Variants in HSD17B3 observed in about 807,000 individuals in gnomAD.
HSD17B3 encodes the protein hydroxysteroid 17-beta dehydrogenase 3, also known as 17-beta-hydroxysteroid dehydrogenase type 3.
HSD17B3 carries 29 observed loss-of-function variants against 41.1 expected under a neutral mutation model. That is an observed-to-expected ratio of 0.71 (90% CI 0.53 to 0.96). The LOEUF (loss-of-function observed/expected upper bound fraction) is 0.96, where lower values mean the gene tolerates loss of function less well. Ranked by LOEUF, HSD17B3 falls within the 40% of genes least tolerant of loss-of-function variation. HSD17B3 has a pLI of 0.00. For missense variants in HSD17B3, 323 were observed against 374.6 expected (o/e 0.86, Z 1.14); for synonymous variants, 126 against 145.6 (o/e 0.87, Z 0.97).
intron 3 of HSD17B3, among the ~76,000 whole-genome samples, chr9:96,253,818 G>A (rs960943615): frequency 1.3e-5 from 2 of 152,146 alleles, no homozygotes; most frequent in African/African-American, 2.4e-5. Context: ...AGCATTGTGA[G>A]GCAAACACTG....
chr9:96,240,681 G>A, intron 10 of HSD17B3, 77 bp downstream of exon 10: 1 of 1,421,964 alleles, frequency 7.0e-7, no homozygotes, highest in Non-Finnish European at 9.9e-7. Context: ...CAGCAAGGAA[G>A]AGCTAGCCCA....
intron 2 of HSD17B3, among the ~76,000 whole-genome samples, chr9:96,297,529 T>C (rs921369065): frequency 2.0e-5 from 3 of 152,000 alleles, no homozygotes; most frequent in African/African-American, 7.3e-5. Context: ...GTATTTTAAG[T>C]AGAGATGAGG....
At position 96,247,077 on chromosome 9, in the gene HSD17B3, C is replaced by T. The variant is rs7859733; in HGVS notation, c.490-487G>A. On this transcript the variant is annotated intron_variant, in intron 6 of 10. Transcript: ENST00000375263. ...CTGCAGCTAGGCTATGAAATAGCTC[C>T]GTGGACACAGTGCATGGCCACTCCT... The T allele has an allele frequency of 9.0e-3, 2,071 of 229,888 alleles. 49 individuals carry two copies. Among genetic ancestry groups the T allele is most frequent in the African/African-American group, 0.042 (1,901 of 45,250 alleles). The allele number at this position is 229,888 out of a possible 1,614,324, so 14.2% of individuals were successfully genotyped here.
Position 96,301,827 on chromosome 9 carries a change from G to A in HSD17B3, c.154+124C>T, listed in dbSNP as rs977871984. The A allele has an allele frequency of 4.8e-6, 5 of 1,050,478 alleles. No homozygotes were observed. The African/African-American group carries it at 6.3e-5, about 13-fold the overall frequency. 65.1% of individuals were successfully genotyped at this position (1,050,478 alleles called of 1,614,324 possible). On this transcript the variant is annotated intron_variant, in intron 1 of 10. Coordinates refer to ENST00000375263, the MANE Select transcript of HSD17B3 (RefSeq NM_000197.2). Reference sequence around the variant, plus strand: ...ACCCGGGAAGCGGAGGTTGCAGTGAGCCAAGATCGCGCCATTGCACTCCAG... The same window carrying A: ...ACCCGGGAAGCGGAGGTTGCAGTGAACCAAGATCGCGCCATTGCACTCCAG...
rs569337274 is a variant in HSD17B3 at position 96,252,892 on chromosome 9, C to T, written c.296G>A (p.Ser99Asn). 8.7e-6 allele frequency: 14 copies of T among 1,610,354 alleles called. No individual in the cohort carries two copies. The South Asian group carries it at 8.8e-5, about 10-fold the overall frequency. ...AAAATCTGCTTGTATAATCTTCACA[C>T]TCCTCCCTGTAGTCCGCTCTACACG... ...ATEIERTTGR[S>N]VKIIQADFTK... The change falls in exon 4 of 11, where the codon AGT (serine) becomes AAT (asparagine). Residue 99 changes from serine (S) to asparagine (N), a missense_variant. Physicochemically the swap from Ser to Asn is conservative, Grantham distance 46 (BLOSUM62 1). Transcript: ENST00000375263.
rs119481079 is a variant in HSD17B3 at position 96,251,482 on chromosome 9, T to C, written c.389A>G (p.Asn130Ser). 176 of 1,613,942 alleles carry C rather than the reference T, an allele frequency of 1.1e-4. No individual in the cohort carries two copies. The highest frequency in any genetic ancestry group is 1.4e-4 in the Non-Finnish European group (170 of 1,179,920). The change falls in exon 5 of 11, where the codon AAC becomes AGC. Residue 130 changes from asparagine (N) to serine (S), a missense_variant. Asn to Ser is a conservative substitution (Grantham distance 46). Coordinates refer to ENST00000375263, the MANE Select transcript of HSD17B3 (RefSeq NM_000197.2). Reference protein sequence around the residue: ...LAGLEIGILVNNVGMLPNLLP... With the variant: ...LAGLEIGILVSNVGMLPNLLP... The stretch of plus-strand genomic sequence containing the variant: ...AAGGTTTGGAAGCATTCCGACATTG[T>C]TGACTGGCAGAAAGAAGCAAAACAA...
chr9:96,265,168 T>C (rs912677493), intron 2 of HSD17B3, among the ~76,000 whole-genome samples: 3 of 151,946 alleles, frequency 2.0e-5, no homozygotes, highest in Non-Finnish European at 4.4e-5. Context: ...AACAGAGGAG[T>C]TGTTGGGACA....
intron 2 of HSD17B3, among the ~76,000 whole-genome samples, chr9:96,272,243 C>A (rs1201610725): frequency 6.7e-6 from 1 of 150,078 alleles, no homozygotes; most frequent in African/African-American, 2.5e-5. Flanking sequence ...GTGGTACGGA[C>A]CTGTAGTCCC....
At chr9:96,295,789 C>A (rs1408127358) in intron 2 of HSD17B3, among the ~76,000 whole-genome samples, 1 of 152,148 alleles carries the variant, frequency 6.6e-6, no homozygotes, top group African/African-American at 2.4e-5. Flanking sequence ...GGGTACTGTA[C>A]TGTAGTTGAA....
At chr9:96,272,441 ATAT>A (rs1826299141) in intron 2 of HSD17B3, among the ~76,000 whole-genome samples, 2 of 98,548 alleles carry the variant, frequency 2.0e-5, no homozygotes, top group Non-Finnish European at 4.1e-5. Context: ...ATATATATAT[ATAT>A]ATAAAATATA....
intron 1 of HSD17B3, among the ~76,000 whole-genome samples, chr9:96,299,233 A>C (rs898411085): frequency 6.6e-6 from 1 of 152,226 alleles, no homozygotes; most frequent in African/African-American, 2.4e-5. Context: ...CAACAATTAA[A>C]GGGCATGCTT....
intron 1 of HSD17B3, among the ~76,000 whole-genome samples, chr9:96,300,854 T>C (rs964845379): frequency 6.6e-5 from 10 of 152,164 alleles, no homozygotes; most frequent in Non-Finnish European, 1.5e-4. Context: ...CATGGCTCCA[T>C]AGAGTTATGC....
chr9:96,256,140 G>T (rs1270344018), intron 2 of HSD17B3: 1 of 152,174 alleles, frequency 6.6e-6, no homozygotes, highest in Admixed American at 6.5e-5. Context: ...TGTCTCTGTG[G>T]TTTCAGTCAA....
chr9:96,292,674 C>A (rs1489067617), intron 2 of HSD17B3, among the ~76,000 whole-genome samples: 1 of 152,166 alleles, frequency 6.6e-6, no homozygotes, highest in Non-Finnish European at 1.5e-5. Context: ...TGTAAACCTA[C>A]AGATTCAAGA....
intron 2 of HSD17B3, among the ~76,000 whole-genome samples, chr9:96,280,513 C>A (rs1446421022): frequency 6.6e-6 from 1 of 152,060 alleles, no homozygotes; most frequent in African/African-American, 2.4e-5. Flanking sequence ...AGGGTTCTGG[C>A]AGAAATAGCA....
At chr9:96,251,228 G>A (rs772285341) in intron 5 of HSD17B3, 190 bp downstream of exon 5, 50 of 606,510 alleles carry the variant, frequency 8.2e-5, no homozygotes, top group South Asian at 3.2e-4. Flanking sequence ...TAGAGATATC[G>A]TGAAAAGTGG....
intron 2 of HSD17B3, among the ~76,000 whole-genome samples, chr9:96,279,820 A>G (rs1318818064): frequency 4.6e-5 from 7 of 151,030 alleles, no homozygotes. Flanking sequence ...CCCAGGCTGG[A>G]GTGCAGTGGC....
At chr9:96,266,277 T>A (rs1826040899) in intron 2 of HSD17B3, among the ~76,000 whole-genome samples, 1 of 152,126 alleles carries the variant, frequency 6.6e-6, no homozygotes, top group Non-Finnish European at 1.5e-5. Flanking sequence ...ACAAGAGGAA[T>A]CCCAAATTGT....
At chr9:96,250,850 C>T (rs530704416) in intron 5 of HSD17B3, among the ~76,000 whole-genome samples, 3 of 150,312 alleles carry the variant, frequency 2.0e-5, no homozygotes, top group South Asian at 2.1e-4. Flanking sequence ...ATCATGTTAC[C>T]GCACACCAGC....
Sources: gnomAD v4.1 joint callset for allele counts (sites outside exome capture counted in the v4.1 genomes callset) on GRCh38, gnomAD v4.1.1 for gene constraint, MANE v1.5 for transcripts, NCBI Gene and HGNC (gene_info 2026-07-23, HGNC 2026-07-21) for gene names.